The following TUSC3 variants were observed in gnomAD, a reference collection of about 807,000 sequenced individuals.
TUSC3 encodes the protein tumor suppressor candidate 3.
In TUSC3, 45 loss-of-function variants were observed where a neutral mutation model predicts 44.8. The observed-to-expected ratio is 1.00, with a 90% CI of 0.79 to 1.29. The LOEUF is 1.29. Among genes scored for constraint, TUSC3 ranks in the 50% most tolerant of loss-of-function variants. TUSC3 has a pLI of 0.00. For missense variants in TUSC3, 519 were observed against 437.9 expected, an observed-to-expected ratio of 1.19 and a Z score of -1.65; for synonymous variants, 212 against 152.9, an observed-to-expected ratio of 1.39 and a Z score of -2.85.
At chr8:15,628,075 G>A (rs1339421170) in intron 2 of TUSC3, among the ~76,000 whole-genome samples, 3 of 152,004 alleles carry the variant, frequency 2.0e-5, no homozygotes, top group Admixed American at 6.6e-5. Flanking sequence ...ATATCAGTTC[G>A]TTTTCCCCTA....
At chr8:15,523,874 G>C (rs973311355) in intron 2 of TUSC3, among the ~76,000 whole-genome samples, 3 of 151,328 alleles carry the variant, frequency 2.0e-5, no homozygotes, top group African/African-American at 7.3e-5. Context: ...TCGCCAACAT[G>C]GTGAAACCCC....
the TUSC3 span, among the ~76,000 whole-genome samples, chr8:15,851,143 C>G: frequency 6.6e-6 from 1 of 152,192 alleles, no homozygotes; most frequent in African/African-American, 2.4e-5. Context: ...TATGTTTCAT[C>G]CTCTGGCCTT....
At position 15,575,955 on chromosome 8, in the gene TUSC3, A is replaced by C. The variant is rs556075363; in HGVS notation, c.138+35387A>C. 9.7e-4 allele frequency among the ~76,000 whole-genome samples: 133 copies of C among 136,462 alleles called. 1 individual carries two copies. The highest frequency in any genetic ancestry group is 2.0e-3 in the Non-Finnish European group (119 of 59,736). The allele number at this position is 136,462 out of a possible 152,430, so 89.5% of individuals were successfully genotyped here. On this transcript the variant is annotated intron_variant, in intron 1 of 10. Coordinates refer to ENST00000503731, the MANE Select transcript of TUSC3 (RefSeq NM_006765.4). The stretch of plus-strand genomic sequence containing the variant: ...AAATTTATGGTTTATATATTCAATA[A>C]TATATTGTGAATTGATATAATAACT...
downstream of TUSC3, among the ~76,000 whole-genome samples, chr8:15,767,891 T>C (rs937724722): frequency 6.6e-6 from 1 of 152,122 alleles, no homozygotes; most frequent in Non-Finnish European, 1.5e-5. Context: ...AGCTGGATAG[T>C]GAAATACTTT....
intron 1 of TUSC3, among the ~76,000 whole-genome samples, chr8:15,479,113 G>T (rs549585201): frequency 6.6e-6 from 1 of 152,114 alleles, no homozygotes; most frequent in East Asian, 1.9e-4. Context: ...TCCTTTGCCT[G>T]CTTTTTAATG....
At chr8:15,439,612 C>T (rs763381888) in intron 1 of TUSC3, among the ~76,000 whole-genome samples, 1 of 152,172 alleles carries the variant, frequency 6.6e-6, no homozygotes, top group Non-Finnish European at 1.5e-5. Context: ...GGAAGTCATA[C>T]ACAACACTGT....
At chr8:15,509,019 G>C (rs907586531) in intron 2 of TUSC3, among the ~76,000 whole-genome samples, 5 of 152,126 alleles carry the variant, frequency 3.3e-5, no homozygotes, top group African/African-American at 1.2e-4. Context: ...AAGATCTTCA[G>C]CTCAGAATGA....
chr8:15,844,583 G>A, the TUSC3 span, among the ~76,000 whole-genome samples: 2 of 152,180 alleles, frequency 1.3e-5, no homozygotes, highest in East Asian at 1.9e-4. Flanking sequence ...CCTGCCATTG[G>A]TGTTGCTAAA....
At chr8:15,524,971 C>G (rs146613989) in intron 2 of TUSC3, among the ~76,000 whole-genome samples, 32 of 152,306 alleles carry the variant, frequency 2.1e-4, no homozygotes, top group African/African-American at 7.5e-4. Flanking sequence ...TCTGCTCATG[C>G]TTGCCCAGAC....
In TUSC3 at chr8:15,557,616, T is replaced by C. The variant is rs1156234639; in HGVS notation, c.138+17048T>C. 1.7e-4 allele frequency among the ~76,000 whole-genome samples: 18 copies of C among 105,174 alleles called. 2 individuals are homozygous for C. Among genetic ancestry groups the C allele is most frequent in the South Asian group, 9.1e-4 (3 of 3,300 alleles). The allele number at this position is 105,174 out of a possible 152,430, so 69.0% of individuals were successfully genotyped here. ...GGGCAGTACGGCCATTTTCATGATA[T>C]TGATTCTTCCTACCCATGAGCATGG... On this transcript the variant is annotated intron_variant, in intron 1 of 10. Coordinates refer to ENST00000503731, the MANE Select transcript of TUSC3 (RefSeq NM_006765.4).
chr8:15,661,760 T>C (rs1300407967), intron 4 of TUSC3, among the ~76,000 whole-genome samples: 1 of 151,554 alleles, frequency 6.6e-6, no homozygotes, highest in East Asian at 1.9e-4. Context: ...GGGGAAAATA[T>C]TTGCAAATAA....
chr8:15,674,154 C>T lies in TUSC3; in HGVS notation c.798+318C>T, dbSNP rs116328130. On this transcript the variant is annotated intron_variant, in intron 6 of 10. Coordinates refer to ENST00000503731, the MANE Select transcript of TUSC3 (RefSeq NM_006765.4). ...AACATGTAACCCCACTAGAGGAAAT[C>T]GGAATAGTTTATAGCCAATGTCCCT... 8.6e-3 allele frequency among the ~76,000 whole-genome samples: 1,304 copies of T among 151,962 alleles called. 20 individuals carry two copies. The highest frequency in any genetic ancestry group is 0.03 in the African/African-American group (1,247 of 41,476).
intron 1 of TUSC3, among the ~76,000 whole-genome samples, chr8:15,464,033 T>G (rs1461538804): frequency 6.6e-6 from 1 of 152,178 alleles, no homozygotes; most frequent in Non-Finnish European, 1.5e-5. Flanking sequence ...AGATGTTATT[T>G]AGTAAGAGTC....
chr8:15,759,314 T>G (rs1229293154), intron 10 of TUSC3, among the ~76,000 whole-genome samples: 2 of 152,002 alleles, frequency 1.3e-5, no homozygotes, highest in East Asian at 3.9e-4. Context: ...CTTCCTGACT[T>G]CCTCTCCAGT....
At chr8:15,474,565 A>C (rs1205996824) in intron 1 of TUSC3, among the ~76,000 whole-genome samples, 1 of 152,156 alleles carries the variant, frequency 6.6e-6, no homozygotes, top group East Asian at 1.9e-4. Context: ...TAGCAAATGG[A>C]ATGGGTATAA....
intron 1 of TUSC3, among the ~76,000 whole-genome samples, chr8:15,582,743 A>C (rs188346423): frequency 6.6e-6 from 1 of 152,224 alleles, no homozygotes; most frequent in East Asian, 1.9e-4. Context: ...AGTTTTATCT[A>C]ATAGCTGCTG....
intron 1 of TUSC3, among the ~76,000 whole-genome samples, chr8:15,571,332 C>T (rs183775503): frequency 2.4e-4 from 37 of 152,106 alleles, no homozygotes; most frequent in Non-Finnish European, 3.4e-4. Flanking sequence ...GGCTTGGTGC[C>T]AGACCACTAT....
At chr8:15,745,324 C>T (rs574714748) in intron 8 of TUSC3, among the ~76,000 whole-genome samples, 5 of 152,170 alleles carry the variant, frequency 3.3e-5, no homozygotes, top group East Asian at 3.9e-4. Flanking sequence ...GGTGTATACC[C>T]AGTAAGGGGG....
At chr8:15,659,404 A>G in intron 3 of TUSC3, 103 bp from the exon 4 acceptor site, 2 of 1,430,680 alleles carry the variant, frequency 1.4e-6, no homozygotes, top group Non-Finnish European at 1.9e-6. Context: ...TTGGATTTTC[A>G]TAATAAATGC....
Sources: gnomAD v4.1 joint callset for allele counts (sites outside exome capture counted in the v4.1 genomes callset) on GRCh38, gnomAD v4.1.1 for gene constraint, MANE v1.5 for transcripts, NCBI Gene and HGNC (gene_info 2026-07-23, HGNC 2026-07-21) for gene names.